Variants in STK32C observed in about 807,000 individuals in gnomAD.
STK32C encodes serine/threonine kinase 32C, also known as serine/threonine-protein kinase 32C.
STK32C carries 31 observed loss-of-function variants against 56.5 expected under a neutral mutation model. The observed-to-expected ratio is 0.55, with a 90% confidence interval of 0.41 to 0.74. The LOEUF (loss-of-function observed/expected upper bound fraction) is 0.74, where lower values mean the gene tolerates loss of function less well. Among genes scored for constraint, STK32C ranks in the 30% least tolerant of loss-of-function variants. The probability of loss-of-function intolerance (pLI) is 0.00; values close to 1 mark genes in which losing one functional copy is unlikely to be tolerated. For missense variants in STK32C, 544 were observed against 676.9 expected, an observed-to-expected ratio of 0.80 and a Z score of 2.18; for synonymous variants, 309 against 289.4, an observed-to-expected ratio of 1.07 and a Z score of -0.69.
At chr10:132,220,225 C>T (rs1393928292) in intron 10 of STK32C, among the ~76,000 whole-genome samples, 11 of 152,308 alleles carry the variant, frequency 7.2e-5, no homozygotes, top group South Asian at 4.1e-4. Flanking sequence ...GAGATGGAGA[C>T]GCACACACAG....
intron 1 of STK32C, among the ~76,000 whole-genome samples, chr10:132,305,520 A>C (rs959935556): frequency 5.3e-5 from 8 of 152,216 alleles, no homozygotes; most frequent in Non-Finnish European, 5.9e-5. Flanking sequence ...CCAACACAGC[A>C]CCAGGGCCTC....
intron 1 of STK32C, among the ~76,000 whole-genome samples, chr10:132,264,969 C>T (rs1211696634): frequency 2.6e-5 from 4 of 152,248 alleles, no homozygotes; most frequent in Non-Finnish European, 4.4e-5. Flanking sequence ...TTTATTTATA[C>T]TCCGCCTGAT....
At chr10:132,223,017 G>C (rs1210204825) in intron 8 of STK32C, 31 bp from the exon 9 acceptor site, 1 of 1,539,308 alleles carries the variant, frequency 6.5e-7, no homozygotes, top group South Asian at 1.2e-5. Flanking sequence ...GAGGGTCCAG[G>C]GCCCACAGCC....
At chr10:132,247,097 C>T (rs2063719879) in intron 1 of STK32C, among the ~76,000 whole-genome samples, 1 of 152,206 alleles carries the variant, frequency 6.6e-6, no homozygotes, top group African/African-American at 2.4e-5. Context: ...GCAGGGAAGA[C>T]ACAGCCAAGG....
At chr10:132,208,437 G>C (rs111695247) in intron 11 of STK32C, among the ~76,000 whole-genome samples, 1 of 152,198 alleles carries the variant, frequency 6.6e-6, no homozygotes, top group Non-Finnish European at 1.5e-5. Context: ...AATGAGGCTC[G>C]GCTAAGCCTC....
At chr10:132,318,950 T>C (rs2138452733) in intron 1 of STK32C, among the ~76,000 whole-genome samples, 1 of 152,244 alleles carries the variant, frequency 6.6e-6, no homozygotes, top group South Asian at 2.1e-4. Flanking sequence ...AGCTACTTTG[T>C]TTTTTGTTTT....
At chr10:132,254,791 G>A (rs2064048071) in intron 1 of STK32C, among the ~76,000 whole-genome samples, 1 of 152,114 alleles carries the variant, frequency 6.6e-6, no homozygotes, top group South Asian at 2.1e-4. Flanking sequence ...CACAATGCGT[G>A]CACCCCACGC....
At chr10:132,242,566 G>A (rs371986492) in intron 2 of STK32C, among the ~76,000 whole-genome samples, 3 of 151,786 alleles carry the variant, frequency 2.0e-5, no homozygotes, top group South Asian at 2.1e-4. Context: ...ATCCACCCCC[G>A]CCTCAGGCTC....
upstream of STK32C, among the ~76,000 whole-genome samples, chr10:132,331,999 A>T (rs1325592376): frequency 3.5e-5 from 4 of 114,722 alleles, no homozygotes; most frequent in African/African-American, 1.4e-4. Context: ...ACCACACCCG[A>T]CCCCCTGCCG....
At chr10:132,331,541 T>G (rs114666623) in exon 1 of STK32C, 29 of 1,612,752 alleles carry the variant, frequency 1.8e-5, no homozygotes, top group African/African-American at 4.0e-5. Context: ...GAGGCAAGAT[T>G]TGGGGACAAG....
At chr10:132,295,249 T>G (rs1466087981) in intron 1 of STK32C, among the ~76,000 whole-genome samples, 1 of 152,166 alleles carries the variant, frequency 6.6e-6, no homozygotes, top group Non-Finnish European at 1.5e-5. Context: ...CAGAGCTCAG[T>G]GTCTAACACC....
chr10:132,263,883 AAGTTGGGATTAT>A (rs2064397577), intron 1 of STK32C, among the ~76,000 whole-genome samples: 1 of 151,418 alleles, frequency 6.6e-6, no homozygotes. Flanking sequence ...AAAAAAAAAA[AAGTTGGGATTAT>A]AAAAAAAGAA....
rs2064101972 is a variant in STK32C at position 132,255,857 on chromosome 10, G to A, written c.263-9902C>T. Among the ~76,000 whole-genome samples, 1 of 152,188 alleles carries A rather than the reference G, an allele frequency of 6.6e-6. No homozygotes were observed. Among genetic ancestry groups the A allele is most frequent in the Non-Finnish European group, 1.5e-5 (1 of 68,032 alleles). On this transcript the variant is annotated intron_variant, in intron 1 of 11. Transcript: ENST00000298630. The surrounding 1 kb of genome is among the most constrained non-coding windows in gnomAD (Gnocchi z 4.6). Reference sequence around the variant, plus strand: ...CGTGCGCTGCCCACGCATCTCCGAGGGCCCAGCTGGCCACCTTCTCCTTCT... The same window carrying A: ...CGTGCGCTGCCCACGCATCTCCGAGAGCCCAGCTGGCCACCTTCTCCTTCT...
At chr10:132,305,616 T>C (rs936832083) in intron 1 of STK32C, among the ~76,000 whole-genome samples, 4 of 152,100 alleles carry the variant, frequency 2.6e-5, no homozygotes, top group African/African-American at 9.7e-5. Context: ...GGGGCAACAG[T>C]CCCTTCCTAA....
At position 132,207,830 on chromosome 10, in the gene STK32C, C is replaced by T. The variant is rs1265049260; in HGVS notation, c.*180G>A. 3 of 742,326 alleles carry T rather than the reference C, an allele frequency of 4.0e-6. No homozygotes were observed. Among genetic ancestry groups the T allele is most frequent in the Non-Finnish European group, 5.5e-6 (3 of 541,626 alleles). 46.0% of individuals were successfully genotyped at this position (742,326 alleles called of 1,614,324 possible). On this transcript the variant is annotated 3_prime_UTR_variant, in exon 12 of 12. Transcript: ENST00000298630. ...TGCCCTCCACAGGTGTCCCCTGCAC[C>T]CACAGCCTCTTGTCCCCTGCACCAC...
chr10:132,232,828 T>C (rs559718058), intron 2 of STK32C, among the ~76,000 whole-genome samples: 35 of 152,038 alleles, frequency 2.3e-4, no homozygotes, highest in Admixed American at 4.6e-4. Context: ...GAAACGCCAC[T>C]GACGGGGAGG....
intron 1 of STK32C, among the ~76,000 whole-genome samples, chr10:132,294,282 T>C (rs2065667936): frequency 6.6e-6 from 1 of 151,840 alleles, no homozygotes; most frequent in Admixed American, 6.6e-5. Flanking sequence ...GGGTTGGGGA[T>C]CAGGAGTGTC....
chr10:132,268,971 G>A (rs2064717299), intron 1 of STK32C, among the ~76,000 whole-genome samples: 1 of 136,912 alleles, frequency 7.3e-6, no homozygotes, highest in Non-Finnish European at 1.6e-5. Flanking sequence ...GTGTGTGTGT[G>A]TCGGTGTGTG....
At chr10:132,248,159 G>T (rs1032983129) in intron 1 of STK32C, among the ~76,000 whole-genome samples, 30 of 152,256 alleles carry the variant, frequency 2.0e-4, no homozygotes, top group African/African-American at 6.8e-4. Flanking sequence ...GGCCGCGGCC[G>T]CACAGGCAGG....
Sources: allele counts gnomAD v4.1 joint callset (sites outside exome capture counted in the v4.1 genomes callset), GRCh38; gene constraint gnomAD v4.1.1; non-coding constraint Gnocchi (gnomAD v3.1); transcripts MANE v1.5; gene names NCBI Gene and HGNC (gene_info 2026-07-23, HGNC 2026-07-21).